PC: variants seen among roughly 807,000 people sequenced by gnomAD.
PC encodes pyruvate carboxylase, mitochondrial.
In PC, 46 loss-of-function variants were observed where a neutral mutation model predicts 107.8. That is an observed-to-expected ratio of 0.43 (90% CI 0.34 to 0.55). The LOEUF (loss-of-function observed/expected upper bound fraction) is 0.55. Ranked by LOEUF, PC falls within the 20% of genes least tolerant of loss-of-function variation. The pLI, the probability that PC is intolerant of heterozygous loss-of-function variation, is 0.04. For missense variants in PC, 1,241 were observed against 1,643.1 expected (o/e 0.76, Z 4.23); for synonymous variants, 662 against 684.7 (o/e 0.97, Z 0.52).
At chr11:66,898,300 C>A (rs1326028247) in intron 3 of PC, among the ~76,000 whole-genome samples, 1 of 152,198 alleles carries the variant, frequency 6.6e-6, no homozygotes, top group Non-Finnish European at 1.5e-5. Flanking sequence ...TTTTAGCCGA[C>A]TGCGCTGCCC....
intron 3 of PC, among the ~76,000 whole-genome samples, chr11:66,878,347 T>C (rs983856946): frequency 2.0e-5 from 3 of 152,166 alleles, no homozygotes; most frequent in Non-Finnish European, 4.4e-5. Flanking sequence ...TTTGTTGCTC[T>C]CCTCCCCTGT....
At chr11:66,861,061 A>G (rs957451564) in intron 12 of PC, among the ~76,000 whole-genome samples, 1 of 152,204 alleles carries the variant, frequency 6.6e-6, no homozygotes, top group Non-Finnish European at 1.5e-5. Context: ...GGTTCCTGTC[A>G]GAACTGTGGG....
rs914744691 is a variant in PC at position 66,857,275 on chromosome 11, C to A, written c.1369-3892G>T. The A allele has an allele frequency of 1.3e-5, 2 of 149,206 alleles. No individual in the cohort carries two copies. Among genetic ancestry groups the A allele is most frequent in the Non-Finnish European group, 3.0e-5 (2 of 66,818 alleles). The allele number at this position is 149,206 out of a possible 1,614,324, so 9.2% of individuals were successfully genotyped here. On this transcript the variant is annotated intron_variant, in intron 12 of 22. Transcript: ENST00000393960. The surrounding 1 kb of genome is among the most constrained non-coding windows in gnomAD (Gnocchi z 7.1). Reference sequence around the variant, plus strand: ...GGGCTCGCAGGGAGGCCGGCCCGCGCCCCCTGAGCGACGGACACCAGGTGA... The same window carrying A: ...GGGCTCGCAGGGAGGCCGGCCCGCGACCCCTGAGCGACGGACACCAGGTGA...
chr11:66,866,121 CCCAGGCA>C lies in PC; in HGVS notation c.1185+59_1185+65del. On this transcript the variant is annotated intron_variant, in intron 11 of 22. Coordinates refer to ENST00000393960, the MANE Select transcript of PC (RefSeq NM_001040716.2). This position sits in a 1 kb window ranked among gnomAD's most constrained non-coding sequence, Gnocchi z 5.4. ...GGCTGTGGCAACTTGGCACTGCAGC[CCCAGGCA>C]CCAGGCAGAACCTGTGCACAGGTGA... The C allele has an allele frequency of 6.4e-7, 1 of 1,557,230 alleles. No individual in the cohort carries two copies. The highest frequency in any genetic ancestry group is 8.7e-7 in the Non-Finnish European group (1 of 1,148,260).
At chr11:66,920,935 G>A (rs546289373) in intron 3 of PC, among the ~76,000 whole-genome samples, 4 of 152,092 alleles carry the variant, frequency 2.6e-5, no homozygotes, top group African/African-American at 9.7e-5. Context: ...CCACTCAGGA[G>A]GCTGAGACAG....
chr11:66,932,401 A>G (rs1374857297), intron 3 of PC, among the ~76,000 whole-genome samples: 1 of 152,136 alleles, frequency 6.6e-6, no homozygotes, highest in Non-Finnish European at 1.5e-5. Context: ...GCACTCTACC[A>G]TCTCAAATGA....
intron 3 of PC, among the ~76,000 whole-genome samples, chr11:66,903,335 G>T (rs1010676377): frequency 2.0e-5 from 3 of 152,170 alleles, no homozygotes; most frequent in African/African-American, 4.8e-5. Flanking sequence ...GCCAGGCCTT[G>T]GGTGAGGCAC....
chr11:66,873,392 A>G (rs1946819658), intron 3 of PC, among the ~76,000 whole-genome samples: 2 of 102,286 alleles, frequency 2.0e-5, no homozygotes. Flanking sequence ...ATAAAATATT[A>G]TATATAATAT....
chr11:66,912,362 A>G (rs1210504372), intron 3 of PC, among the ~76,000 whole-genome samples: 1 of 152,144 alleles, frequency 6.6e-6, no homozygotes, highest in Non-Finnish European at 1.5e-5. Context: ...GGGCCTGGGG[A>G]CCCTAGTTTG....
chr11:66,937,578 T>C (rs573293730), intron 3 of PC, among the ~76,000 whole-genome samples: 32 of 152,172 alleles, frequency 2.1e-4, no homozygotes, highest in Admixed American at 1.6e-3. Flanking sequence ...GATGCATATG[T>C]TGATTTGTGT....
At chr11:66,948,207 A>T (rs1243184974) in intron 3 of PC, among the ~76,000 whole-genome samples, 1 of 131,968 alleles carries the variant, frequency 7.6e-6, no homozygotes, top group Non-Finnish European at 1.5e-5. Context: ...ACTCTGTCTT[A>T]AAAAAAAAAA....
chr11:66,892,632 G>T (rs1433608767), intron 3 of PC, among the ~76,000 whole-genome samples: 1 of 152,160 alleles, frequency 6.6e-6, no homozygotes, highest in Non-Finnish European at 1.5e-5. Context: ...GGATCATGAG[G>T]TCAGGAGTTC....
chr11:66,863,757 G>A lies in PC; in HGVS notation c.1368+17C>T. 6.2e-7 allele frequency: 1 copy of A among 1,600,468 alleles called. No homozygotes were observed. Among genetic ancestry groups the A allele is most frequent in the Non-Finnish European group, 8.5e-7 (1 of 1,173,438 alleles). On this transcript the variant is annotated intron_variant, in intron 12 of 22. Transcript: ENST00000393960. ...AAGGGCCGGGAGCAAAGGCAGGCGG[G>A]GGCTGCAGCCTCTCACCTTCACACC...
chr11:66,934,229 C>G (rs953589559), intron 3 of PC, among the ~76,000 whole-genome samples: 6 of 152,208 alleles, frequency 3.9e-5, no homozygotes, highest in Non-Finnish European at 8.8e-5. Flanking sequence ...TTCACATATT[C>G]TACCCTCAAG....
At chr11:66,911,009 T>C (rs1252626702) in intron 3 of PC, among the ~76,000 whole-genome samples, 1 of 152,240 alleles carries the variant, frequency 6.6e-6, no homozygotes, top group Non-Finnish European at 1.5e-5. Context: ...AAATGCAGAA[T>C]GATCTGAGCC....
chr11:66,894,613 C>T (rs1157142048), intron 3 of PC, among the ~76,000 whole-genome samples: 2 of 152,220 alleles, frequency 1.3e-5, no homozygotes, highest in Non-Finnish European at 2.9e-5. Context: ...CACCCGGGTT[C>T]CCACCATCCA....
intron 3 of PC, among the ~76,000 whole-genome samples, chr11:66,885,871 G>T (rs58800112): frequency 0.028 from 4,191 of 152,320 alleles, 88 homozygotes; most frequent in African/African-American, 0.046. Context: ...GGCAGCTGTA[G>T]GAATCTAATA....
At chr11:66,874,930 A>T (rs1402409922) in intron 3 of PC, among the ~76,000 whole-genome samples, 10 of 152,210 alleles carry the variant, frequency 6.6e-5, no homozygotes, top group Non-Finnish European at 2.9e-5. Flanking sequence ...GAAGTCGGCC[A>T]CGCACAGATC....
At chr11:66,853,211 G>T in intron 13 of PC, 28 bp downstream of exon 13, 1 of 1,610,014 alleles carries the variant, frequency 6.2e-7, no homozygotes, top group Non-Finnish European at 8.5e-7. Flanking sequence ...GGGAGGGGAG[G>T]GCAGGGCAGG....
Sources: allele counts gnomAD v4.1 joint callset (sites outside exome capture counted in the v4.1 genomes callset), GRCh38; gene constraint gnomAD v4.1.1; non-coding constraint Gnocchi (gnomAD v3.1); transcripts MANE v1.5; gene names NCBI Gene and HGNC (gene_info 2026-07-23, HGNC 2026-07-21).